Variants in CNTN5 observed in about 807,000 individuals in gnomAD.
CNTN5 encodes contactin 5, also known as contactin-5.
Under a neutral mutation model 129.1 loss-of-function variants are expected in CNTN5, and 77 were observed. The ratio of observed to expected loss-of-function variants is 0.60; its 90% CI spans 0.50 to 0.72. The LOEUF (loss-of-function observed/expected upper bound fraction) is 0.72. Ranked by LOEUF, CNTN5 falls within the 30% of genes least tolerant of loss-of-function variation. The pLI is 0.00. For missense variants in CNTN5, 1,478 were observed against 1,328.8 expected (o/e 1.11, Z -1.75); for synonymous variants, 509 against 465.6 (o/e 1.09, Z -1.20).
intron 2 of CNTN5, among the ~76,000 whole-genome samples, chr11:99,528,942 ATAATACCAGC>A (rs67844416): frequency 0.26 from 38,820 of 151,652 alleles, 5,298 homozygotes; most frequent in Non-Finnish European, 0.31. Context: ...GTGCATGCCC[ATAATACCAGC>A]TAATACCAGC....
chr11:99,355,602 A>G (rs376561732), intron 2 of CNTN5, among the ~76,000 whole-genome samples: 1 of 152,114 alleles, frequency 6.6e-6, no homozygotes, highest in East Asian at 1.9e-4. Flanking sequence ...ATCTAGAAAA[A>G]GTAGAGTGTT....
chr11:99,428,559 C>CA (rs60754666), intron 2 of CNTN5, among the ~76,000 whole-genome samples: 4,101 of 56,212 alleles, frequency 0.073, 158 homozygotes, highest in African/African-American at 0.16. Context: ...GACCCTGTCT[C>CA]AAAAAAAAAA....
In CNTN5 at chr11:99,845,190, G is replaced by T. The variant is rs754241516; in HGVS notation, c.505G>T (p.Gly169Cys). ...ISNPSEAKDS[G>C]HYQCLATNTV... Reference sequence around the variant, plus strand: ...CAATCCAAGTGAAGCAAAGGATTCTGGTCATTATCAGTGTTTAGCAACCAA... The same window carrying T: ...CAATCCAAGTGAAGCAAAGGATTCTTGTCATTATCAGTGTTTAGCAACCAA... The change falls in exon 6 of 25, where the codon GGT becomes TGT. Residue 169 changes from glycine to cysteine, a missense_variant. Transcript: ENST00000524871. The T allele has an allele frequency of 2.5e-6, 4 of 1,613,600 alleles. No homozygotes were observed. The highest frequency in any genetic ancestry group is 3.4e-6 in the Non-Finnish European group (4 of 1,179,760).
In CNTN5 at chr11:99,125,492, G is replaced by C. The variant is rs1858580608; in HGVS notation, c.-210+104222G>C. Among the ~76,000 whole-genome samples, 3 of 151,990 alleles carry C rather than the reference G, an allele frequency of 2.0e-5. No individual in the cohort carries two copies. In the South Asian group the frequency reaches 6.2e-4, roughly 32 times the overall value. On this transcript the variant is annotated intron_variant, in intron 1 of 24. Coordinates refer to ENST00000524871, the MANE Select transcript of CNTN5 (RefSeq NM_014361.4). ...GCCATCTATGACAAACCCACAACCA[G>C]GATCATACTGAATGGGTAAAAGCTG... is the stretch of plus-strand genomic sequence containing the variant.
chr11:99,367,343 G>GTT (rs149126727), intron 2 of CNTN5, among the ~76,000 whole-genome samples: 1 of 149,140 alleles, frequency 6.7e-6, no homozygotes, highest in East Asian at 2.0e-4. Flanking sequence ...GTTTGAAACA[G>GTT]TTTTTTTTTT....
intron 3 of CNTN5, among the ~76,000 whole-genome samples, chr11:99,784,085 G>T (rs1945420026): frequency 6.6e-6 from 1 of 152,106 alleles, no homozygotes; most frequent in African/African-American, 2.4e-5. Flanking sequence ...GTATTTTGCA[G>T]ATGATTTCAG....
At chr11:99,407,591 C>T (rs1256773274) in intron 2 of CNTN5, among the ~76,000 whole-genome samples, 1 of 152,120 alleles carries the variant, frequency 6.6e-6, no homozygotes, top group African/African-American at 2.4e-5. Flanking sequence ...TCCCTCTATC[C>T]CCCAACTCAA....
chr11:99,912,811 A>G (rs1949696307), intron 6 of CNTN5, among the ~76,000 whole-genome samples: 1 of 152,048 alleles, frequency 6.6e-6, no homozygotes, highest in African/African-American at 2.4e-5. Context: ...TTTGATCACA[A>G]AATTTCTCAT....
At chr11:99,319,214 T>G (rs1326205651) in intron 1 of CNTN5, among the ~76,000 whole-genome samples, 1 of 152,222 alleles carries the variant, frequency 6.6e-6, no homozygotes, top group Non-Finnish European at 1.5e-5. Flanking sequence ...TGGAGTCTAC[T>G]GTTATCATTG....
At chr11:99,252,503 AG>A (rs1308452264) in intron 1 of CNTN5, among the ~76,000 whole-genome samples, 2 of 151,840 alleles carry the variant, frequency 1.3e-5, no homozygotes, top group African/African-American at 4.8e-5. Context: ...AAAAAAAAAA[AG>A]AAAAAAACAT....
Position 99,636,804 on chromosome 11 carries a change from AGG to A in CNTN5, c.55+80536_55+80537del, listed in dbSNP as rs1236275404. Among the ~76,000 whole-genome samples the A allele has an allele frequency of 5.3e-5, 8 of 151,556 alleles. No homozygotes were observed. In the East Asian group the frequency reaches 1.2e-3, roughly 22 times the overall value. Reference sequence around the variant, plus strand: ...CCAAGGTGGGGGGATGGACGAGATCAGGAGATCAGGACGATCCTGGCCAACAT... The same window carrying A: ...CCAAGGTGGGGGGATGGACGAGATCAAGATCAGGACGATCCTGGCCAACAT... On this transcript the variant is annotated intron_variant, in intron 3 of 24. Coordinates refer to ENST00000524871, the MANE Select transcript of CNTN5 (RefSeq NM_014361.4).
chr11:99,874,600 T>C (rs1591348263), intron 6 of CNTN5, among the ~76,000 whole-genome samples: 1 of 152,342 alleles, frequency 6.6e-6, no homozygotes, highest in Non-Finnish European at 1.5e-5. Context: ...CATTTATCTT[T>C]TTATTTGTTA....
At chr11:99,505,233 G>A (rs1329017581) in intron 2 of CNTN5, among the ~76,000 whole-genome samples, 2 of 152,046 alleles carry the variant, frequency 1.3e-5, no homozygotes, top group African/African-American at 4.8e-5. Flanking sequence ...CTTTTATATG[G>A]TATCCCAATT....
intron 2 of CNTN5, among the ~76,000 whole-genome samples, chr11:99,413,138 T>C (rs1942474615): frequency 1.3e-5 from 2 of 152,182 alleles, no homozygotes; most frequent in Admixed American, 1.3e-4. Context: ...GCAGGCAAAT[T>C]AATCTACATC....
chr11:99,657,222 G>T (rs927519540), intron 3 of CNTN5, among the ~76,000 whole-genome samples: 1 of 152,036 alleles, frequency 6.6e-6, no homozygotes, highest in African/African-American at 2.4e-5. Flanking sequence ...ACTGGAGCTC[G>T]GCATGTTAAA....
intron 15 of CNTN5, among the ~76,000 whole-genome samples, chr11:100,201,124 G>A (rs1249799810): frequency 4.6e-5 from 7 of 151,878 alleles, no homozygotes; most frequent in Non-Finnish European, 8.8e-5. Context: ...AAGTCAATCC[G>A]ATTTATTTCA....
At chr11:99,887,819 G>A (rs993823463) in intron 6 of CNTN5, among the ~76,000 whole-genome samples, 2 of 152,094 alleles carry the variant, frequency 1.3e-5, no homozygotes, top group Non-Finnish European at 2.9e-5. Flanking sequence ...AGCTTCTTCC[G>A]CCTACTTCAC....
intron 1 of CNTN5, among the ~76,000 whole-genome samples, chr11:99,035,846 A>T (rs1863693918): frequency 1.3e-5 from 2 of 149,488 alleles, no homozygotes; most frequent in South Asian, 2.1e-4. Flanking sequence ...TCGTTAGTTG[A>T]TGCAGTTTCT....
chr11:99,092,997 GC>G (rs1866317316), intron 1 of CNTN5, among the ~76,000 whole-genome samples: 1 of 151,766 alleles, frequency 6.6e-6, no homozygotes, highest in Non-Finnish European at 1.5e-5. Flanking sequence ...AATTTTCATT[GC>G]TTATTTATTT....
Sources: allele counts gnomAD v4.1 joint callset (sites outside exome capture counted in the v4.1 genomes callset), GRCh38; gene constraint gnomAD v4.1.1; transcripts MANE v1.5; gene names NCBI Gene and HGNC (gene_info 2026-07-23, HGNC 2026-07-21).